The following UCK1 variants were observed in gnomAD, a reference collection of about 807,000 sequenced individuals.
UCK1 encodes cytidine monophosphokinase 1.
Under a neutral mutation model 34.0 loss-of-function variants are expected in UCK1, and 20 were observed. The ratio of observed to expected loss-of-function variants is 0.59; its 90% CI spans 0.41 to 0.86. The LOEUF (loss-of-function observed/expected upper bound fraction) is 0.86, where lower values mean the gene tolerates loss of function less well. Ranked by LOEUF, UCK1 falls within the 40% of genes least tolerant of loss-of-function variation. The pLI is 0.00. For synonymous variants in UCK1, 168 were observed against 155.9 expected (o/e 1.08, Z -0.58); for missense variants, 343 against 383.6 (o/e 0.89, Z 0.88).
In UCK1 at chr9:131,530,514, C is replaced by T. The variant is rs746621369; in HGVS notation, c.240G>A (p.Leu80=). The change falls in exon 2 of 7, where the codon TTG becomes TTA. Residue 80 remains leucine, a synonymous_variant. Coordinates refer to ENST00000372215, the MANE Select transcript of UCK1 (RefSeq NM_031432.5). ...GATGGTCAAAATTGTACTGTCCTTT[C>T]AAGGCCTTGGCCTTCTGCTCTGCCG... ...VLTAEQKAKA[L]KGQYNFDHPD... is the part of the protein sequence containing the mutation. 1 of 1,614,266 alleles carries T rather than the reference C, an allele frequency of 6.2e-7. No individual in the cohort carries two copies. The highest frequency in any genetic ancestry group is 8.5e-7 in the Non-Finnish European group (1 of 1,180,036).
rs565697360 is a variant in UCK1 at position 131,529,674 on chromosome 9, G to A, written c.269-90C>T. The stretch of plus-strand genomic sequence containing the variant: ...TCTCTGCTCTGGGGTCAGCACAGCT[G>A]GGTGCTGGGGACACCGAGAACCCTA... On this transcript the variant is annotated intron_variant, in intron 2 of 6. Transcript: ENST00000372215. 3.9e-5 allele frequency: 47 copies of A among 1,189,988 alleles called. No individual in the cohort carries two copies. The African/African-American group carries it at 6.0e-4, about 15-fold the overall frequency. 73.7% of individuals were successfully genotyped at this position (1,189,988 alleles called of 1,614,324 possible).
At chr9:131,529,895 TTCTC>T (rs1317897674) in intron 2 of UCK1, among the ~76,000 whole-genome samples, 2 of 152,226 alleles carry the variant, frequency 1.3e-5, no homozygotes, top group Non-Finnish European at 2.9e-5. Context: ...GGGCCTCTGC[TTCTC>T]TCTCTTTCTG....
At position 131,529,828 on chromosome 9, in the gene UCK1, T is replaced by C. The variant is rs78116286; in HGVS notation, c.269-244A>G. Reference sequence around the variant, plus strand: ...TGCCACTGCCCAAGCTCTGTGCCCCTGAGATGCCGGAACACAGGGGTTTTC... The same window carrying C: ...TGCCACTGCCCAAGCTCTGTGCCCCCGAGATGCCGGAACACAGGGGTTTTC... On this transcript the variant is annotated intron_variant, in intron 2 of 6. Transcript: ENST00000372215. 2.9e-4 allele frequency among the ~76,000 whole-genome samples: 44 copies of C among 152,292 alleles called. No individual in the cohort carries two copies. In the East Asian group the frequency reaches 7.7e-3, roughly 27 times the overall value.
intron 5 of UCK1, among the ~76,000 whole-genome samples, chr9:131,526,697 C>T (rs941176340): frequency 6.6e-6 from 1 of 152,114 alleles, no homozygotes; most frequent in Admixed American, 6.6e-5. Context: ...TGGAACGGTG[C>T]GTGCTGCTGG....
Position 131,529,023 on chromosome 9 carries a change from C to A in UCK1, c.524G>T (p.Arg175Leu). The change falls in exon 5 of 7, where the codon CGC becomes CTC. Residue 175 changes from arginine (R) to leucine (L), a missense_variant. Transcript: ENST00000372215. ...RLSRRVLRDV[R>L]RGRDLEQILT... is the part of the protein sequence containing the mutation. ...AATCTGCTCCAGGTCCCTCCCTCGG[C>A]GCACGTCCCGGAGAACTGCAGCGGC... 2.5e-6 allele frequency: 4 copies of A among 1,614,074 alleles called. No homozygotes were observed. Among genetic ancestry groups the A allele is most frequent in the Non-Finnish European group, 3.4e-6 (4 of 1,180,016 alleles).
chr9:131,526,138 G>A, intron 5 of UCK1, 161 bp from the exon 6 acceptor site: 1 of 836,458 alleles, frequency 1.2e-6, no homozygotes, highest in East Asian at 2.5e-5. Flanking sequence ...CATCAGCCAG[G>A]TGTGAGAGGC....
Position 131,531,049 on chromosome 9 carries a change from G to A in UCK1, c.108+18C>T. The A allele has an allele frequency of 7.4e-7, 1 of 1,348,872 alleles. No individual in the cohort carries two copies. The highest frequency in any genetic ancestry group is 9.5e-7 in the Non-Finnish European group (1 of 1,052,254). 83.6% of individuals were successfully genotyped at this position (1,348,872 alleles called of 1,614,324 possible). On this transcript the variant is annotated intron_variant, in intron 1 of 6. Transcript: ENST00000372215. Reference sequence around the variant, plus strand: ...GGCACCGGCGAGAGGCGAGACCCCGGCCCGCTCGGCCCCTTACCTTCCCGC... The same window carrying A: ...GGCACCGGCGAGAGGCGAGACCCCGACCCGCTCGGCCCCTTACCTTCCCGC...
chr9:131,529,424 G>T (rs1186887973), intron 3 of UCK1, 64 bp downstream of exon 3: 1 of 1,609,580 alleles, frequency 6.2e-7, no homozygotes, highest in Non-Finnish European at 8.5e-7. Flanking sequence ...GCAGGTCTGT[G>T]TGAGCCCGAG....
chr9:131,530,362 G>T, intron 2 of UCK1, 124 bp downstream of exon 2: 2 of 1,156,566 alleles, frequency 1.7e-6, no homozygotes, highest in Non-Finnish European at 2.5e-6. Flanking sequence ...TGCAGGCTGC[G>T]TGGCGAGTTG....
At chr9:131,530,823 A>T in intron 1 of UCK1, 178 bp from the exon 2 acceptor site, 1 of 1,207,628 alleles carries the variant, frequency 8.3e-7, no homozygotes, top group Non-Finnish European at 1.2e-6. Flanking sequence ...CGGGGTTAGC[A>T]CGGACTTGGG....
chr9:131,525,310 C>T, intron 6 of UCK1, 89 bp from the exon 7 acceptor site: 4 of 1,535,030 alleles, frequency 2.6e-6, no homozygotes, highest in South Asian at 1.1e-5. Flanking sequence ...CAGGAGTGAG[C>T]GCCCAACCTC....
intron 6 of UCK1, 98 bp downstream of exon 6, chr9:131,525,831 T>A (rs1440150618): frequency 7.7e-7 from 1 of 1,295,074 alleles, no homozygotes; most frequent in Admixed American, 2.1e-5. Flanking sequence ...GCAGGCCGCG[T>A]GCGCAGGGGA....
At chr9:131,528,317 G>A (rs969140228) in intron 5 of UCK1, among the ~76,000 whole-genome samples, 3 of 152,162 alleles carry the variant, frequency 2.0e-5, no homozygotes, top group African/African-American at 4.8e-5. Flanking sequence ...GTAGAGCCAC[G>A]AGTCCCACCA....
At chr9:131,530,793 G>A in intron 1 of UCK1, 148 bp from the exon 2 acceptor site, 1 of 1,434,068 alleles carries the variant, frequency 7.0e-7, no homozygotes, top group Middle Eastern at 2.4e-4. Context: ...GGTCTCAGCG[G>A]AAGGGCCGCG....
intron 5 of UCK1, 27 bp downstream of exon 5, chr9:131,528,917 G>GGGCTC (rs1205793666): frequency 6.2e-7 from 1 of 1,612,262 alleles, no homozygotes; most frequent in South Asian, 1.1e-5. Context: ...AGGGGAAAAT[G>GGGCTC]GGCTCTGAAG....
intron 5 of UCK1, 70 bp from the exon 6 acceptor site, chr9:131,526,047 A>G: frequency 6.3e-7 from 1 of 1,582,178 alleles, no homozygotes; most frequent in Non-Finnish European, 8.7e-7. Context: ...ATGCTCAGAA[A>G]CAGATGCAAC....
chr9:131,530,400 C>T, intron 2 of UCK1, 86 bp downstream of exon 2: 1 of 1,525,612 alleles, frequency 6.6e-7, no homozygotes, highest in South Asian at 1.2e-5. Flanking sequence ...GGTCTGCATC[C>T]ATCCAACCTT....
chr9:131,526,291 C>T (rs961384069), intron 5 of UCK1: 35 of 780,452 alleles, frequency 4.5e-5, no homozygotes, highest in Non-Finnish European at 6.5e-5. Flanking sequence ...ACGCTAACGA[C>T]TCAATTCACT....
intron 5 of UCK1, chr9:131,526,565 G>A (rs1029621554): frequency 3.4e-4 from 439 of 1,274,068 alleles, no homozygotes; most frequent in Non-Finnish European, 4.1e-4. Context: ...GGGAGGGTCC[G>A]CAGCCAGATG....
Sources: gnomAD v4.1 joint callset for allele counts (sites outside exome capture counted in the v4.1 genomes callset) on GRCh38, gnomAD v4.1.1 for gene constraint, MANE v1.5 for transcripts, NCBI Gene and HGNC (gene_info 2026-07-23, HGNC 2026-07-21) for gene names.